The following ACADVL variants were observed in gnomAD, a reference collection of about 807,000 sequenced individuals.
ACADVL encodes acyl-CoA dehydrogenase very long chain.
In ACADVL, 73 loss-of-function variants were observed where a neutral mutation model predicts 80.4. That is an observed-to-expected ratio of 0.91 (90% confidence interval 0.75 to 1.10). The LOEUF is 1.10. Ranked by LOEUF, ACADVL falls within the 50% of genes least tolerant of loss-of-function variation. ACADVL has a pLI of 0.00. For synonymous variants in ACADVL, 392 were observed against 326.5 expected (o/e 1.20, Z -2.16); for missense variants, 878 against 858.9 (o/e 1.02, Z -0.28).
At chr17:7,219,921 T>TAGGCGTGCAGGACGC (rs1555527389), upstream of ACADVL, 13 of 1,555,336 alleles carry the variant, frequency 8.4e-6, no homozygotes, top group Middle Eastern at 1.7e-4. Context: ...CGCCAGGACG[T>TAGGCGTGCAGGACGC]GGGCGTGCAG....
chr17:7,224,379 C>T lies in ACADVL; in HGVS notation c.1591C>T (p.Arg531Trp), dbSNP rs146379816. 1,299 of 1,613,786 alleles carry T rather than the reference C, an allele frequency of 8.0e-4. No homozygotes were observed. Among genetic ancestry groups the T allele is most frequent in the Non-Finnish European group, 1.0e-3 (1,220 of 1,179,898 alleles). ...CGGACTTGTCCACCCGGAGTTGAGT[C>T]GGAGTGGCGAGCTGGTAAGTGGCCA... ...LSGLVHPELSRSGELAVRALE... is the reference protein window; with the variant it reads ...LSGLVHPELSWSGELAVRALE... Residue 531 changes from arginine (R) to tryptophan (W), a missense_variant, in exon 16 of 20, where the codon CGG becomes TGG. By Grantham distance (101) the Arg-to-Trp change is moderately radical. Transcript: ENST00000356839.
At chr17:7,222,625 C>G in intron 9 of ACADVL, 42 bp from the exon 10 acceptor site, 2 of 1,565,762 alleles carry the variant, frequency 1.3e-6, no homozygotes, top group Non-Finnish European at 1.7e-6. Flanking sequence ...CAGTGACAAC[C>G]TGTTGAACAC....
rs377669725 is a variant in ACADVL at position 7,223,392 on chromosome 17, G to C, written c.1182+155G>C. ...GAGGCATAGTCAGCTCAGCTTCTGC[G>C]AAGAGAGACAGCAATGATGTTCTGC... On this transcript the variant is annotated intron_variant, in intron 11 of 19. Coordinates refer to ENST00000356839, the MANE Select transcript of ACADVL (RefSeq NM_000018.4). 37 of 848,274 alleles carry C rather than the reference G, an allele frequency of 4.4e-5. No homozygotes were observed. In the African/African-American group the frequency reaches 5.0e-4, roughly 11 times the overall value. 52.5% of individuals were successfully genotyped at this position (848,274 alleles called of 1,614,324 possible).
chr17:7,221,418 G>GGC, intron 6 of ACADVL, 120 bp from the exon 7 acceptor site: 1 of 1,463,500 alleles, frequency 6.8e-7, no homozygotes, highest in Admixed American at 1.7e-5. Flanking sequence ...GCCCAGGTCA[G>GGC]GCACTGCCCT....
At chr17:7,217,601 G>T, upstream of ACADVL, 1 of 1,386,992 alleles carries the variant, frequency 7.2e-7, no homozygotes, top group Non-Finnish European at 9.4e-7. Context: ...GAGCCGTGGA[G>T]CCGAAGAGGG....
chr17:7,222,550 C>G lies in ACADVL; in HGVS notation c.879-117C>G, dbSNP rs1298527693. 4.9e-6 allele frequency: 6 copies of G among 1,230,738 alleles called. No homozygotes were observed. The African/African-American group carries it at 9.0e-5, about 18-fold the overall frequency. 76.2% of individuals were successfully genotyped at this position (1,230,738 alleles called of 1,614,324 possible). A position where few individuals can be genotyped will look rare whatever the true frequency, so the allele number is the denominator to read the frequency against. Reference sequence around the variant, plus strand: ...CCTGAGGGGAAGTGGTGGCTGTAGCCTCTAATAGTCTAGTGGTCGTCATTC... The same window carrying G: ...CCTGAGGGGAAGTGGTGGCTGTAGCGTCTAATAGTCTAGTGGTCGTCATTC... On this transcript the variant is annotated intron_variant, in intron 9 of 19. Transcript: ENST00000356839.
At chr17:7,223,326 G>A (rs2071321764) in intron 11 of ACADVL, 89 bp downstream of exon 11, 1 of 1,233,920 alleles carries the variant, frequency 8.1e-7, no homozygotes, top group African/African-American at 1.5e-5. Context: ...ACCTGGGGCA[G>A]TGGGTCTCCA....
At chr17:7,218,481 C>T, upstream of ACADVL, 1 of 1,506,350 alleles carries the variant, frequency 6.6e-7, no homozygotes, top group Non-Finnish European at 9.0e-7. Context: ...TCCCAAACAG[C>T]CCCCGAAGTT....
At chr17:7,223,326 G>GT (rs1421627841) in intron 11 of ACADVL, 89 bp downstream of exon 11, 1 of 1,233,802 alleles carries the variant, frequency 8.1e-7, no homozygotes, top group African/African-American at 1.5e-5. Context: ...ACCTGGGGCA[G>GT]TGGGTCTCCA....
intron 16 of ACADVL, 21 bp downstream of exon 16, chr17:7,224,414 GA>G: frequency 6.2e-7 from 1 of 1,613,822 alleles, no homozygotes; most frequent in East Asian, 2.2e-5. Flanking sequence ...AGGGGTCCAG[GA>G]GAGCCTGCAT....
rs775980475 is a variant in ACADVL, at chr17:7,223,699, T to C, written c.1238T>C (p.Ile413Thr). 3.1e-6 allele frequency: 5 copies of C among 1,614,050 alleles called. No individual in the cohort carries two copies. Among genetic ancestry groups the C allele is most frequent in the South Asian group, 1.1e-5 (1 of 91,062 alleles). The stretch of plus-strand genomic sequence containing the variant: ...GACCAGGGAGCCACGGACTTCCAGA[T>C]AGAGGCCGCCATCAGCAAAATCTTT... ...NMDQGATDFQIEAAISKIFGS... is the reference protein window; with the variant it reads ...NMDQGATDFQTEAAISKIFGS... The change falls in exon 12 of 20, where the codon ATA (isoleucine) becomes ACA (threonine). Residue 413 changes from isoleucine to threonine, a missense_variant. By Grantham distance (89) the Ile-to-Thr change is moderately conservative (BLOSUM62 -1). Coordinates refer to ENST00000356839, the MANE Select transcript of ACADVL (RefSeq NM_000018.4).
At position 7,222,076 on chromosome 17, in the gene ACADVL, G is replaced by A. The variant is rs141167669; in HGVS notation, c.747G>A (p.Trp249Ter). ...KYYTLNGSKL[W>*]ISNGGLADIF... ...ATACCCTCAATGGAAGCAAGCTTTGGATCAGGCAACCTGCCTCCCATTTCT... is the reference window on the plus strand; with the variant it reads ...ATACCCTCAATGGAAGCAAGCTTTGAATCAGGCAACCTGCCTCCCATTTCT... The change falls in exon 8 of 20, where the codon TGG (tryptophan) becomes TGA (stop). Residue 249 changes from tryptophan (W) to a stop codon, truncating the protein, a stop_gained. Transcript: ENST00000356839. LOFTEE classifies it high-confidence loss of function. 1 of 1,614,108 alleles carries A rather than the reference G, an allele frequency of 6.2e-7. No individual in the cohort carries two copies. Among genetic ancestry groups the A allele is most frequent in the South Asian group, 1.1e-5 (1 of 91,082 alleles).
chr17:7,223,328 G>A (rs772900518), intron 11 of ACADVL, 91 bp downstream of exon 11: 1 of 1,226,374 alleles, frequency 8.2e-7, no homozygotes. Flanking sequence ...CTGGGGCAGT[G>A]GGTCTCCAGC....
At chr17:7,222,951 C>T in intron 10 of ACADVL, 86 bp downstream of exon 10, 1 of 1,526,512 alleles carries the variant, frequency 6.6e-7, no homozygotes, top group Admixed American at 1.7e-5. Flanking sequence ...CTTGCAGGCA[C>T]TCCCTACACT....
chr17:7,223,126 C>CT lies in ACADVL; in HGVS notation c.1078-5dup. On this transcript the variant is annotated splice_polypyrimidine_tract_variant and splice_region_variant and intron_variant, in intron 10 of 19. Coordinates refer to ENST00000356839, the MANE Select transcript of ACADVL (RefSeq NM_000018.4). Reference sequence around the variant, plus strand: ...AACCACAGCGGGATGTGTGGACCCTCTTCCAGGTAGATCATGCCACTAATC... The same window carrying CT: ...AACCACAGCGGGATGTGTGGACCCTCTTTCCAGGTAGATCATGCCACTAATC... 1 of 1,610,232 alleles carries CT rather than the reference C, an allele frequency of 6.2e-7. No individual in the cohort carries two copies. The highest frequency in any genetic ancestry group is 2.2e-5 in the East Asian group (1 of 44,858).
chr17:7,218,589 G>T (rs1313094792), upstream of ACADVL: 1 of 1,566,946 alleles, frequency 6.4e-7, no homozygotes, highest in Middle Eastern at 1.7e-4. Context: ...AGGAGTGGGG[G>T]TGCCCACCGC....
upstream of ACADVL, chr17:7,217,231 T>C (rs1367480370): frequency 9.2e-6 from 11 of 1,196,828 alleles, no homozygotes; most frequent in Non-Finnish European, 1.1e-5. Context: ...TTCTCACCCC[T>C]CCCCCCTCCG....
At chr17:7,224,936 C>T (rs749054392) in intron 19 of ACADVL, 21 bp from the exon 20 acceptor site, 21 of 1,613,844 alleles carry the variant, frequency 1.3e-5, no homozygotes, top group Non-Finnish European at 1.7e-5. Context: ...GCAGGCCCAA[C>T]CCCTCCTTCC....
At position 7,221,303 on chromosome 17, in the gene ACADVL, T is replaced by C. The variant is rs546911722; in HGVS notation, c.478-235T>C. The C allele has an allele frequency of 7.4e-5, 67 of 910,806 alleles. No individual in the cohort carries two copies. The African/African-American group carries it at 8.8e-4, about 12-fold the overall frequency. 56.4% of individuals were successfully genotyped at this position (910,806 alleles called of 1,614,324 possible). A position where few individuals can be genotyped will look rare whatever the true frequency, so the allele number is the denominator to read the frequency against. On this transcript the variant is annotated intron_variant, in intron 6 of 19. Transcript: ENST00000356839. ...CTCTAAGTTGGGGATTGCCTAACAA[T>C]AGACTGACTAGTAGCAAGTCACCCT...
Sources: gnomAD v4.1 joint callset for allele counts on GRCh38, gnomAD v4.1.1 for gene constraint, MANE v1.5 for transcripts, NCBI Gene and HGNC (gene_info 2026-07-23, HGNC 2026-07-21) for gene names.